MTHFD2L: variants seen among roughly 807,000 people sequenced by gnomAD.
MTHFD2L encodes bifunctional methylenetetrahydrofolate dehydrogenase/cyclohydrolase 2, mitochondrial.
Under a neutral mutation model 34.9 loss-of-function variants are expected in MTHFD2L, and 29 were observed. The observed-to-expected ratio is 0.83, with a 90% CI of 0.62 to 1.13. The LOEUF (loss-of-function observed/expected upper bound fraction) is 1.13. MTHFD2L is among the 50% of genes most tolerant of loss of function. The probability of loss-of-function intolerance (pLI) is 0.00; values close to 1 mark genes in which losing one functional copy is unlikely to be tolerated. For synonymous variants in MTHFD2L, 167 were observed against 155.7 expected (o/e 1.07, Z -0.54); for missense variants, 481 against 446.5 (o/e 1.08, Z -0.70).
intron 7 of MTHFD2L, among the ~76,000 whole-genome samples, chr4:74,295,439 C>T (rs1331857009): frequency 6.6e-6 from 1 of 152,088 alleles, no homozygotes; most frequent in East Asian, 1.9e-4. Flanking sequence ...TCTTGAGGTA[C>T]TCCCATAAGT....
At chr4:74,230,073 C>T (rs1198831693) in intron 6 of MTHFD2L, among the ~76,000 whole-genome samples, 2 of 152,036 alleles carry the variant, frequency 1.3e-5, no homozygotes, top group Admixed American at 6.6e-5. Context: ...CAAATTGATA[C>T]ATATTTAGCC....
At position 74,207,766 on chromosome 4, in the gene MTHFD2L, CT is replaced by C. The variant is rs768932793; in HGVS notation, c.712+6412del. 4.2e-3 allele frequency among the ~76,000 whole-genome samples: 535 copies of C among 128,208 alleles called. 1 individual carries two copies. Among genetic ancestry groups the C allele is most frequent in the Middle Eastern group, 7.6e-3 (2 of 264 alleles). 84.1% of individuals were successfully genotyped at this position (128,208 alleles called of 152,430 possible). ...AATTAACCCCAGTTGTGAAAAAGAA[CT>C]TTTTTTTTTTTTTTTGCCAGCCTGG... On this transcript the variant is annotated intron_variant, in intron 5 of 7. Transcript: ENST00000325278.
chr4:74,115,028 C>A (rs1368509329), intron 2 of MTHFD2L, among the ~76,000 whole-genome samples: 1 of 152,070 alleles, frequency 6.6e-6, no homozygotes, highest in Non-Finnish European at 1.5e-5. Flanking sequence ...CTGCCCTTGC[C>A]CAGTAAATGG....
intron 1 of MTHFD2L, among the ~76,000 whole-genome samples, chr4:74,165,503 G>T (rs1319554536): frequency 6.6e-6 from 1 of 152,092 alleles, no homozygotes; most frequent in African/African-American, 2.4e-5. Context: ...GACTACAGGT[G>T]CATGCCACCA....
At chr4:74,132,635 G>T (rs1722622199) in intron 1 of MTHFD2L, among the ~76,000 whole-genome samples, 1 of 152,100 alleles carries the variant, frequency 6.6e-6, no homozygotes, top group Non-Finnish European at 1.5e-5. Context: ...AGTACCTAAT[G>T]TAGATGACGG....
chr4:74,226,799 A>G (rs951852833), intron 6 of MTHFD2L, among the ~76,000 whole-genome samples: 4 of 152,234 alleles, frequency 2.6e-5, no homozygotes, highest in African/African-American at 7.2e-5. Flanking sequence ...ATGGATACAA[A>G]TGATGAAATG....
intron 3 of MTHFD2L, 144 bp from the exon 4 acceptor site, chr4:74,199,647 AAAT>A (rs375652920): frequency 0.024 from 14,736 of 620,520 alleles, no homozygotes; most frequent in Middle Eastern, 0.031. Flanking sequence ...TTTTGGTGGC[AAAT>A]AATAATAATA....
At chr4:74,181,953 A>G (rs1730255147) in intron 3 of MTHFD2L, among the ~76,000 whole-genome samples, 1 of 152,160 alleles carries the variant, frequency 6.6e-6, no homozygotes, top group Admixed American at 6.5e-5. Flanking sequence ...TATTGCTATA[A>G]TTACTTTTCA....
At chr4:74,200,529 C>T (rs2110054298) in intron 4 of MTHFD2L, among the ~76,000 whole-genome samples, 1 of 152,132 alleles carries the variant, frequency 6.6e-6, no homozygotes, top group East Asian at 1.9e-4. Flanking sequence ...AAAATATGTT[C>T]TGATCACATA....
At chr4:74,199,251 C>A (rs1397893693) in intron 3 of MTHFD2L, among the ~76,000 whole-genome samples, 1 of 151,918 alleles carries the variant, frequency 6.6e-6, no homozygotes, top group Non-Finnish European at 1.5e-5. Flanking sequence ...TTCACTGTGA[C>A]AATGCTTTAG....
At chr4:74,135,949 C>T (rs953077592) in intron 1 of MTHFD2L, among the ~76,000 whole-genome samples, 3 of 151,998 alleles carry the variant, frequency 2.0e-5, no homozygotes, top group Admixed American at 6.6e-5. Flanking sequence ...TAAAAATCCT[C>T]AACAAACTGG....
intron 1 of MTHFD2L, chr4:74,140,442 T>G (rs1189963281): frequency 2.3e-6 from 1 of 434,978 alleles, no homozygotes; most frequent in Non-Finnish European, 3.1e-6. Context: ...TGTAATTAAT[T>G]AACTTAATCC....
upstream of MTHFD2L, among the ~76,000 whole-genome samples, chr4:74,124,452 T>A (rs1172435006): frequency 6.6e-6 from 1 of 151,140 alleles, no homozygotes; most frequent in Non-Finnish European, 1.5e-5. Context: ...TATAAAATAT[T>A]AATTTTAATA....
chr4:74,147,194 T>C (rs554914749), intron 1 of MTHFD2L, among the ~76,000 whole-genome samples: 1 of 152,294 alleles, frequency 6.6e-6, no homozygotes, highest in East Asian at 1.9e-4. Flanking sequence ...ATATATTTGC[T>C]TGGAAGTTCT....
At chr4:74,252,517 G>A (rs964455265) in intron 6 of MTHFD2L, among the ~76,000 whole-genome samples, 2 of 151,858 alleles carry the variant, frequency 1.3e-5, no homozygotes, top group Non-Finnish European at 2.9e-5. Context: ...ATAGTAATGA[G>A]AGAATAACAG....
chr4:74,129,092 G>A (rs909878517), intron 1 of MTHFD2L, among the ~76,000 whole-genome samples: 1 of 151,690 alleles, frequency 6.6e-6, no homozygotes, highest in African/African-American at 2.4e-5. Context: ...GTTACCTTGA[G>A]GCTTACAATA....
At chr4:74,290,702 A>G (rs1049850913) in intron 7 of MTHFD2L, among the ~76,000 whole-genome samples, 5 of 151,874 alleles carry the variant, frequency 3.3e-5, no homozygotes, top group Non-Finnish European at 1.5e-5. Flanking sequence ...CTCCATTCCC[A>G]CGAAAGTATT....
intron 1 of MTHFD2L, among the ~76,000 whole-genome samples, chr4:74,150,126 C>T (rs1723842044): frequency 1.3e-5 from 2 of 152,210 alleles, no homozygotes; most frequent in South Asian, 4.1e-4. Flanking sequence ...GTCTACAGAA[C>T]ACGCAAAAAG....
upstream of MTHFD2L, among the ~76,000 whole-genome samples, chr4:74,154,035 C>G (rs895110899): frequency 2.0e-5 from 3 of 152,160 alleles, no homozygotes; most frequent in Non-Finnish European, 4.4e-5. Context: ...TTACTTGTGA[C>G]AGTTTCTTAG....
Sources: gnomAD v4.1 joint callset for allele counts (sites outside exome capture counted in the v4.1 genomes callset) on GRCh38, gnomAD v4.1.1 for gene constraint, MANE v1.5 for transcripts, NCBI Gene and HGNC (gene_info 2026-07-23, HGNC 2026-07-21) for gene names.